CRPPA: variants seen among roughly 807,000 people sequenced by gnomAD.
CRPPA encodes the protein CDP-L-ribitol pyrophosphorylase A.
A neutral mutation model predicts 52.0 loss-of-function variants in CRPPA; 43 were observed. That is an observed-to-expected ratio of 0.83 (90% confidence interval 0.65 to 1.07). The LOEUF is 1.07. Among genes scored for constraint, CRPPA ranks in the 50% least tolerant of loss-of-function variants. The pLI is 0.00. For missense variants in CRPPA, 629 were observed against 551.7 expected (o/e 1.14, Z -1.40); for synonymous variants, 250 against 203.5 (o/e 1.23, Z -1.94).
Position 16,102,214 on chromosome 7 carries a change from C to T in CRPPA, c.1252-10415G>A, listed in dbSNP as rs186919148. ...AAAAACAATCAATGGGGAAAGGATT[C>T]CCTATTTAATAAATGGTGTTAGGAA... is the stretch of plus-strand genomic sequence containing the variant. On this transcript the variant is annotated intron_variant, in intron 9 of 9. Transcript: ENST00000407010. Among the ~76,000 whole-genome samples, 870 of 151,992 alleles carry T rather than the reference C, an allele frequency of 5.7e-3. 15 individuals carry two copies. The highest frequency in any genetic ancestry group is 0.02 in the African/African-American group (835 of 41,326).
rs914206515 is a variant in CRPPA at position 16,284,148 on chromosome 7, G to C, written c.836-5922C>G. Among the ~76,000 whole-genome samples the C allele has an allele frequency of 1.2e-4, 18 of 151,964 alleles. No homozygotes were observed. In the East Asian group the frequency reaches 3.5e-3, roughly 29 times the overall value. ...AAATCAAGGGCAAGGAGATGGACTT[G>C]AAAAGTCTTTTCATTTATTGATGCC... On this transcript the variant is annotated intron_variant, in intron 5 of 9. Coordinates refer to ENST00000407010, the MANE Select transcript of CRPPA (RefSeq NM_001101426.4).
At chr7:16,108,686 G>A (rs993442225) in intron 9 of CRPPA, among the ~76,000 whole-genome samples, 2 of 151,598 alleles carry the variant, frequency 1.3e-5, no homozygotes, top group African/African-American at 4.8e-5. Context: ...ATATTCTCCG[G>A]GATAGATCTC....
chr7:16,375,576 G>C (rs1413555159), intron 3 of CRPPA, among the ~76,000 whole-genome samples: 1 of 152,144 alleles, frequency 6.6e-6, no homozygotes, highest in African/African-American at 2.4e-5. Flanking sequence ...TTCTTAAAAA[G>C]ACTGGCTTAT....
chr7:16,172,220 G>C (rs1781204075), intron 9 of CRPPA, among the ~76,000 whole-genome samples: 1 of 152,148 alleles, frequency 6.6e-6, no homozygotes, highest in African/African-American at 2.4e-5. Flanking sequence ...CATACAAGAA[G>C]ACTGAGCAAA....
intron 9 of CRPPA, among the ~76,000 whole-genome samples, chr7:16,149,968 A>T (rs1277745815): frequency 2.0e-5 from 3 of 151,724 alleles, no homozygotes; most frequent in African/African-American, 7.3e-5. Flanking sequence ...CCTGGGTGAC[A>T]CAGCGAGAGT....
chr7:16,243,173 G>A (rs1439260691), intron 8 of CRPPA, among the ~76,000 whole-genome samples: 2 of 152,132 alleles, frequency 1.3e-5, no homozygotes, highest in Non-Finnish European at 2.9e-5. Flanking sequence ...AGATCTGATT[G>A]TTTTGTAAGT....
intron 3 of CRPPA, among the ~76,000 whole-genome samples, chr7:16,310,370 G>T (rs549702665): frequency 5.9e-5 from 9 of 152,020 alleles, no homozygotes; most frequent in Non-Finnish European, 1.0e-4. Context: ...CAGTCAACAC[G>T]CCCCAAGTAG....
rs1786870952 is a variant in CRPPA at position 16,376,014 on chromosome 7, C to G, written c.684+78G>C. ...AACTATACGCTCAGTCCCATCAGTT[C>G]TGGAAATTCTCCAAATGTGGAGGTT... On this transcript the variant is annotated intron_variant, in intron 3 of 9. Coordinates refer to ENST00000407010, the MANE Select transcript of CRPPA (RefSeq NM_001101426.4). The G allele has an allele frequency of 4.3e-6, 6 of 1,399,090 alleles. No individual in the cohort carries two copies. The East Asian group carries it at 1.2e-4, about 29-fold the overall frequency. 86.7% of individuals were successfully genotyped at this position (1,399,090 alleles called of 1,614,324 possible). A position where few individuals can be genotyped will look rare whatever the true frequency, so the allele number is the denominator to read the frequency against.
intron 9 of CRPPA, among the ~76,000 whole-genome samples, chr7:16,212,229 C>T (rs1041005513): frequency 2.0e-5 from 3 of 152,112 alleles, no homozygotes; most frequent in African/African-American, 4.8e-5. Context: ...TTTTGCAGGT[C>T]TGCCAATTAG....
rs567155318 is a variant in CRPPA, at chr7:16,091,281, A to G, written c.*414T>C. ...TGACAGGACAATTATAGAAGTGAGA[A>G]TAATTCTGAAGTTTATCCATTAGCT... On this transcript the variant is annotated 3_prime_UTR_variant, in exon 10 of 10. Transcript: ENST00000407010. 6.4e-6 allele frequency: 1 copy of G among 156,894 alleles called. No individual in the cohort carries two copies. Among genetic ancestry groups the G allele is most frequent in the Non-Finnish European group, 1.4e-5 (1 of 71,306 alleles). 9.7% of individuals were successfully genotyped at this position (156,894 alleles called of 1,614,324 possible).
intron 2 of CRPPA, among the ~76,000 whole-genome samples, chr7:16,395,928 T>C (rs1218168384): frequency 6.6e-6 from 1 of 152,224 alleles, no homozygotes; most frequent in Non-Finnish European, 1.5e-5. Context: ...ACATAGTAGC[T>C]TCCCCAACAT....
At position 16,356,035 on chromosome 7, in the gene CRPPA, G is replaced by A. The variant is rs546322427; in HGVS notation, c.684+20057C>T. Reference sequence around the variant, plus strand: ...ACATGCCCTAGCTAAGCTAAGTAACGAAGCATAAGTGGAACTGGAAAAAAA... The same window carrying A: ...ACATGCCCTAGCTAAGCTAAGTAACAAAGCATAAGTGGAACTGGAAAAAAA... On this transcript the variant is annotated intron_variant, in intron 3 of 9. Coordinates refer to ENST00000407010, the MANE Select transcript of CRPPA (RefSeq NM_001101426.4). 1.0e-4 allele frequency among the ~76,000 whole-genome samples: 15 copies of A among 147,086 alleles called. No individual in the cohort carries two copies. The South Asian group carries it at 2.4e-3, about 23-fold the overall frequency.
intron 9 of CRPPA, among the ~76,000 whole-genome samples, chr7:16,171,327 C>CT (rs940033960): frequency 4.6e-5 from 7 of 152,104 alleles, no homozygotes; most frequent in African/African-American, 1.4e-4. Context: ...ATAAACGTTA[C>CT]TTTTTTTAAT....
chr7:16,258,825 T>C (rs1393097877), intron 7 of CRPPA, 95 bp downstream of exon 7: 2 of 709,258 alleles, frequency 2.8e-6, no homozygotes, highest in Non-Finnish European at 4.5e-6. Context: ...GAAGAACTCA[T>C]CATAATATCA....
chr7:16,181,527 T>C (rs1470138264), intron 9 of CRPPA, among the ~76,000 whole-genome samples: 1 of 151,932 alleles, frequency 6.6e-6, no homozygotes, highest in Non-Finnish European at 1.5e-5. Flanking sequence ...ACAAAACACA[T>C]ATGTAGTATC....
intron 1 of CRPPA, among the ~76,000 whole-genome samples, chr7:16,417,504 C>G (rs963738315): frequency 4.6e-5 from 7 of 152,160 alleles, no homozygotes; most frequent in Non-Finnish European, 7.3e-5. Flanking sequence ...ATGATTGCAG[C>G]TGGAGGCCAT....
At position 16,219,477 on chromosome 7, in the gene CRPPA, C is replaced by A. The variant is rs552193455; in HGVS notation, c.1120-3280G>T. Among the ~76,000 whole-genome samples the A allele has an allele frequency of 8.3e-4, 86 of 104,124 alleles. 1 individual carries two copies. The East Asian group carries it at 0.02, about 24-fold the overall frequency. 68.3% of individuals were successfully genotyped at this position (104,124 alleles called of 152,430 possible). A position where few individuals can be genotyped will look rare whatever the true frequency, so the allele number is the denominator to read the frequency against. On this transcript the variant is annotated intron_variant, in intron 8 of 9. Coordinates refer to ENST00000407010, the MANE Select transcript of CRPPA (RefSeq NM_001101426.4). ...CTGAAGGAAATAGAGACACAAAAAA[C>A]CCTTCAAAAAATTAATGAATCCAGG...
chr7:16,247,455 A>C (rs1783309215), intron 8 of CRPPA, among the ~76,000 whole-genome samples: 1 of 152,228 alleles, frequency 6.6e-6, no homozygotes, highest in Admixed American at 6.5e-5. Flanking sequence ...ATCAGAACAC[A>C]CACAACATTT....
Position 16,110,261 on chromosome 7 carries a change from A to G in CRPPA, c.1252-18462T>C, listed in dbSNP as rs561573775. ...ATAGTGAAAACTGTAAAACACTGAT[A>G]AAAAAATTGAAGACAACACTAATAT... On this transcript the variant is annotated intron_variant, in intron 9 of 9. Coordinates refer to ENST00000407010, the MANE Select transcript of CRPPA (RefSeq NM_001101426.4). Among the ~76,000 whole-genome samples, 6 of 152,188 alleles carry G rather than the reference A, an allele frequency of 3.9e-5. No individual in the cohort carries two copies. In the South Asian group the frequency reaches 1.2e-3, roughly 32 times the overall value.
Sources: gnomAD v4.1 joint callset for allele counts (sites outside exome capture counted in the v4.1 genomes callset) on GRCh38, gnomAD v4.1.1 for gene constraint, MANE v1.5 for transcripts, NCBI Gene and HGNC (gene_info 2026-07-23, HGNC 2026-07-21) for gene names.